Variants in AANAT observed in about 807,000 individuals in gnomAD.
The protein encoded by AANAT is aralkylamine N-acetyltransferase.
In AANAT, 11 loss-of-function variants were observed where a neutral mutation model predicts 15.6. The observed-to-expected ratio is 0.71, with a 90% CI of 0.44 to 1.17. The LOEUF (loss-of-function observed/expected upper bound fraction) is 1.17, where lower values mean the gene tolerates loss of function less well. Among genes scored for constraint, AANAT ranks in the 50% most tolerant of loss-of-function variants. The pLI, the probability that AANAT is intolerant of heterozygous loss-of-function variation, is 0.00. For synonymous variants in AANAT, 139 were observed against 131.5 expected (o/e 1.06, Z -0.39); for missense variants, 286 against 296.3 (o/e 0.97, Z 0.26).
chr17:76,470,053 G>A lies in AANAT; in HGVS notation c.*83G>A. 7.4e-7 allele frequency: 1 copy of A among 1,357,804 alleles called. No homozygotes were observed. The highest frequency in any genetic ancestry group is 9.7e-7 in the Non-Finnish European group (1 of 1,027,048). The allele number at this position is 1,357,804 out of a possible 1,614,324, so 84.1% of individuals were successfully genotyped here. On this transcript the variant is annotated 3_prime_UTR_variant, in exon 4 of 4. Coordinates refer to ENST00000392492, the MANE Select transcript of AANAT (RefSeq NM_001088.3). ...AGCTCAGCTGAGCATGGAGACAGCA[G>A]TTTCCAGAGAGTGGAGAGAGCAGGG...
At chr17:76,458,478 C>T (rs1016415618) in intron 1 of AANAT, among the ~76,000 whole-genome samples, 2 of 152,208 alleles carry the variant, frequency 1.3e-5, no homozygotes, top group Admixed American at 6.5e-5. Flanking sequence ...GAAACCCTCT[C>T]TTATCATGGC....
intron 1 of AANAT, among the ~76,000 whole-genome samples, chr17:76,455,928 G>A (rs4789299): frequency 0.28 from 43,205 of 151,626 alleles, 7,064 homozygotes; most frequent in East Asian, 0.49. Context: ...CAGGAGAATC[G>A]CTTGAACCCG....
chr17:76,464,078 C>T (rs1165049340), upstream of AANAT, among the ~76,000 whole-genome samples: 1 of 152,084 alleles, frequency 6.6e-6, no homozygotes, highest in Non-Finnish European at 1.5e-5. Flanking sequence ...CGGTGGCTCA[C>T]GCCTGTAATC....
upstream of AANAT, among the ~76,000 whole-genome samples, chr17:76,464,064 G>T (rs1476028896): frequency 6.6e-6 from 1 of 152,142 alleles, no homozygotes; most frequent in Non-Finnish European, 1.5e-5. Flanking sequence ...GTCCTGCCTG[G>T]GTGCGGTGGC....
rs200643384 is a variant in AANAT, at chr17:76,469,104, C to T, written c.164-69C>T. On this transcript the variant is annotated intron_variant, in intron 2 of 3. Coordinates refer to ENST00000392492, the MANE Select transcript of AANAT (RefSeq NM_001088.3). This position sits in a 1 kb window ranked among gnomAD's most constrained non-coding sequence, Gnocchi z 5.2. The stretch of plus-strand genomic sequence containing the variant: ...GGAACGGGGCATCTGAGTGGACACT[C>T]GGGGTGCAGCAGACAGTGGACGCGA... 1,716 of 1,594,188 alleles carry T rather than the reference C, an allele frequency of 1.1e-3. 2 individuals are homozygous for T. Among genetic ancestry groups the T allele is most frequent in the Non-Finnish European group, 1.4e-3 (1,616 of 1,167,420 alleles).
chr17:76,469,793 C>T lies in AANAT; in HGVS notation c.447C>T (p.Ser149=). The change falls in exon 4 of 4, where the codon AGC becomes AGT. Residue 149 remains serine (S), a synonymous_variant. Transcript: ENST00000392492. The surrounding 1 kb of genome is among the most constrained non-coding windows in gnomAD (Gnocchi z 5.2). ...LLWRYLHHLG[S]QPAVRRAALM... ...GGCGCTACCTGCACCACCTGGGCAG[C>T]CAGCCGGCCGTGCGCCGGGCCGCGC... 1 of 1,597,576 alleles carries T rather than the reference C, an allele frequency of 6.3e-7. No homozygotes were observed. Among genetic ancestry groups the T allele is most frequent in the Non-Finnish European group, 8.5e-7 (1 of 1,173,134 alleles).
upstream of AANAT, among the ~76,000 whole-genome samples, chr17:76,464,940 C>T (rs868542690): frequency 3.2e-4 from 49 of 152,068 alleles, no homozygotes; most frequent in African/African-American, 1.1e-3. Flanking sequence ...GGATTACAAG[C>T]GCCCACCACC....
chr17:76,466,150 A>G, upstream of AANAT: 4 of 1,535,382 alleles, frequency 2.6e-6, no homozygotes, highest in Non-Finnish European at 3.5e-6. Context: ...GTGACTGATT[A>G]GGATTGGCCA....
Position 76,468,714 on chromosome 17 carries a change from C to G in AANAT, c.-33C>G, listed in dbSNP as rs1303563471. The G allele has an allele frequency of 6.3e-7, 1 of 1,593,558 alleles. No individual in the cohort carries two copies. The highest frequency in any genetic ancestry group is 8.5e-7 in the Non-Finnish European group (1 of 1,172,048). On this transcript the variant is annotated 5_prime_UTR_variant, in exon 2 of 4. Transcript: ENST00000392492. Reference sequence around the variant, plus strand: ...TTGGCTTAGGAGGACACTTCCAAAGCTGGGGCGCCCCAAGGAGGCACCAGT... The same window carrying G: ...TTGGCTTAGGAGGACACTTCCAAAGGTGGGGCGCCCCAAGGAGGCACCAGT...
At chr17:76,460,130 A>ATTTTTTTT (rs556197358) in intron 2 of AANAT, among the ~76,000 whole-genome samples, 1,179 of 87,882 alleles carry the variant, frequency 0.013, 168 homozygotes, top group Non-Finnish European at 0.017. Flanking sequence ...ACTTCAGGAA[A>ATTTTTTTT]TTTTTTTTTT....
intron 1 of AANAT, among the ~76,000 whole-genome samples, chr17:76,459,005 G>T (rs1419370540): frequency 6.6e-6 from 1 of 152,166 alleles, no homozygotes; most frequent in Non-Finnish European, 1.5e-5. Flanking sequence ...CTCATTCCTG[G>T]AGCCTCACCT....
upstream of AANAT, among the ~76,000 whole-genome samples, chr17:76,463,885 T>C (rs2073412827): frequency 6.6e-6 from 1 of 152,176 alleles, no homozygotes; most frequent in Non-Finnish European, 1.5e-5. Flanking sequence ...ATCCGCTCAA[T>C]AACTGTCGTC....
upstream of AANAT, chr17:76,466,021 C>T (rs747870485): frequency 1.6e-5 from 11 of 678,646 alleles, no homozygotes; most frequent in Non-Finnish European, 2.9e-5. Flanking sequence ...GGCTTACTGC[C>T]TCATCTTGTT....
intron 1 of AANAT, among the ~76,000 whole-genome samples, chr17:76,455,749 C>G (rs966201782): frequency 6.6e-6 from 1 of 152,178 alleles, no homozygotes; most frequent in Non-Finnish European, 1.5e-5. Flanking sequence ...TGTGGTGGCT[C>G]ACATCTGTAA....
intron 1 of AANAT, among the ~76,000 whole-genome samples, chr17:76,455,709 A>C (rs1433785462): frequency 6.6e-6 from 1 of 152,256 alleles, no homozygotes; most frequent in Non-Finnish European, 1.5e-5. Context: ...CTGAAGATAC[A>C]GAACTATGTT....
At chr17:76,456,441 T>TG (rs34905759) in intron 1 of AANAT, among the ~76,000 whole-genome samples, 47,315 of 151,932 alleles carry the variant, frequency 0.31, 8,396 homozygotes, top group East Asian at 0.49. Flanking sequence ...GGGATCAGGG[T>TG]GGTTGTCAAT....
At chr17:76,461,019 G>A (rs1244107602) in intron 2 of AANAT, among the ~76,000 whole-genome samples, 1 of 151,294 alleles carries the variant, frequency 6.6e-6, no homozygotes, top group African/African-American at 2.4e-5. Flanking sequence ...ACAAAAAATA[G>A]CCAGGCGTGG....
At chr17:76,468,963 T>C (rs2073475458) in intron 2 of AANAT, 54 bp downstream of exon 2, 1 of 1,570,906 alleles carries the variant, frequency 6.4e-7, no homozygotes, top group Non-Finnish European at 8.7e-7. Flanking sequence ...CCAGTTATCC[T>C]GTGGGGAGGA....
intron 1 of AANAT, among the ~76,000 whole-genome samples, chr17:76,454,869 G>A (rs1300472851): frequency 6.6e-6 from 1 of 152,144 alleles, no homozygotes; most frequent in East Asian, 1.9e-4. Context: ...GCTCTTGCCT[G>A]TAATCCCAGC....
Sources: gnomAD v4.1 joint callset for allele counts (sites outside exome capture counted in the v4.1 genomes callset) on GRCh38, gnomAD v4.1.1 for gene constraint, Gnocchi (gnomAD v3.1) non-coding constraint, MANE v1.5 for transcripts, NCBI Gene and HGNC (gene_info 2026-07-23, HGNC 2026-07-21) for gene names.